The following CDH13 variants were observed in gnomAD, a reference collection of about 807,000 sequenced individuals.
The protein encoded by CDH13 is cadherin-13.
CDH13 carries 24 observed loss-of-function variants against 63.8 expected under a neutral mutation model. The observed-to-expected ratio is 0.38, with a 90% confidence interval of 0.27 to 0.53. The LOEUF is 0.53. Among genes scored for constraint, CDH13 ranks in the 20% least tolerant of loss-of-function variants. The pLI is 0.85. For synonymous variants in CDH13, 503 were observed against 355.3 expected (o/e 1.42, Z -4.67); for missense variants, 1,049 against 903.1 (o/e 1.16, Z -2.07).
chr16:82,702,676 T>C (rs978298435), intron 1 of CDH13, among the ~76,000 whole-genome samples: 3 of 152,218 alleles, frequency 2.0e-5, no homozygotes, highest in African/African-American at 7.2e-5. Flanking sequence ...ATTGTCCCCC[T>C]CAATTCTGAC....
chr16:83,280,584 A>G (rs1023856951), intron 5 of CDH13, among the ~76,000 whole-genome samples: 2 of 152,224 alleles, frequency 1.3e-5, no homozygotes, highest in Non-Finnish European at 2.9e-5. Context: ...ATGAACCAAG[A>G]ATGTTCTTAA....
intron 10 of CDH13, among the ~76,000 whole-genome samples, chr16:83,744,332 A>G (rs1912364396): frequency 6.6e-6 from 1 of 152,232 alleles, no homozygotes; most frequent in African/African-American, 2.4e-5. Flanking sequence ...GAGGAGACGT[A>G]TGAGTGGGGT....
intron 2 of CDH13, among the ~76,000 whole-genome samples, chr16:82,987,135 G>A (rs574568148): frequency 1.7e-4 from 26 of 152,242 alleles, no homozygotes; most frequent in African/African-American, 5.1e-4. Flanking sequence ...TCACCTTGCC[G>A]TTTTCCCAGA....
At chr16:82,898,389 C>G (rs2041340704) in intron 2 of CDH13, among the ~76,000 whole-genome samples, 1 of 152,270 alleles carries the variant, frequency 6.6e-6, no homozygotes, top group Admixed American at 6.5e-5. Flanking sequence ...GCCGGGCATG[C>G]TGGCATGTGC....
intron 2 of CDH13, among the ~76,000 whole-genome samples, chr16:82,941,054 C>G (rs567827123): frequency 1.1e-4 from 16 of 151,886 alleles, no homozygotes; most frequent in Non-Finnish European, 2.2e-4. Flanking sequence ...TTCTGGCAAA[C>G]GATAGGAAAA....
intron 6 of CDH13, among the ~76,000 whole-genome samples, chr16:83,471,745 C>T (rs1434304087): frequency 6.6e-6 from 1 of 152,280 alleles, no homozygotes; most frequent in East Asian, 1.9e-4. Context: ...ACCATATGCT[C>T]ACCCGAGCAG....
chr16:83,372,073 A>G (rs551233830), intron 6 of CDH13, among the ~76,000 whole-genome samples: 6 of 152,196 alleles, frequency 3.9e-5, no homozygotes, highest in Non-Finnish European at 8.8e-5. Context: ...ACCATCATCA[A>G]CAATAACAGC....
chr16:83,323,069 G>C (rs1205617181), intron 5 of CDH13, among the ~76,000 whole-genome samples: 4 of 151,962 alleles, frequency 2.6e-5, no homozygotes, highest in Non-Finnish European at 4.4e-5. Flanking sequence ...ATGAGCGAAT[G>C]GAGGTGGTGG....
chr16:82,991,595 A>G (rs1567724154), intron 2 of CDH13, among the ~76,000 whole-genome samples: 1 of 152,194 alleles, frequency 6.6e-6, no homozygotes, highest in African/African-American at 2.4e-5. Context: ...GACATAATAT[A>G]TAAAACTTAC....
At chr16:83,286,329 T>C (rs2089311398) in intron 5 of CDH13, among the ~76,000 whole-genome samples, 1 of 152,190 alleles carries the variant, frequency 6.6e-6, no homozygotes, top group African/African-American at 2.4e-5. Context: ...ATTTTTATGG[T>C]GAACCCAAAG....
intron 6 of CDH13, among the ~76,000 whole-genome samples, chr16:83,400,938 T>A (rs1247587270): frequency 6.6e-6 from 1 of 152,084 alleles, no homozygotes; most frequent in African/African-American, 2.4e-5. Context: ...GTGTGGTGGC[T>A]CACACCAGTA....
chr16:82,709,153 A>G (rs905033972), intron 1 of CDH13, among the ~76,000 whole-genome samples: 2 of 152,202 alleles, frequency 1.3e-5, no homozygotes, highest in African/African-American at 4.8e-5. Flanking sequence ...TTTTCCACGA[A>G]TGAAGATGAG....
chr16:82,650,041 G>A (rs914590821), intron 1 of CDH13, among the ~76,000 whole-genome samples: 15 of 152,182 alleles, frequency 9.9e-5, no homozygotes, highest in Non-Finnish European at 2.1e-4. Flanking sequence ...TATAGATTAA[G>A]AAACTGAGGC....
chr16:82,908,703 A>G (rs754400753), intron 2 of CDH13, among the ~76,000 whole-genome samples: 5 of 152,158 alleles, frequency 3.3e-5, no homozygotes, highest in Non-Finnish European at 7.4e-5. Context: ...ACCCCTCGGT[A>G]TCTGTGGGGG....
chr16:83,678,629 C>T (rs529253262), intron 10 of CDH13, among the ~76,000 whole-genome samples, 168 bp downstream of exon 10: 130 of 152,274 alleles, frequency 8.5e-4, no homozygotes, highest in Middle Eastern at 3.4e-3. Context: ...CTGACGGCTG[C>T]AGAGGGCCAG....
intron 3 of CDH13, among the ~76,000 whole-genome samples, chr16:83,125,131 A>G (rs144284772): frequency 1.3e-5 from 2 of 152,358 alleles, no homozygotes; most frequent in African/African-American, 4.8e-5. Flanking sequence ...TGAGTAAATC[A>G]AGACTGTCAT....
At chr16:82,854,581 A>G (rs964141923) in intron 1 of CDH13, among the ~76,000 whole-genome samples, 1 of 152,212 alleles carries the variant, frequency 6.6e-6, no homozygotes. Context: ...AAGAGCCACA[A>G]AATAATTCAC....
At chr16:82,745,501 G>A (rs1480826170) in intron 1 of CDH13, among the ~76,000 whole-genome samples, 3 of 152,128 alleles carry the variant, frequency 2.0e-5, no homozygotes, top group African/African-American at 7.2e-5. Context: ...CTACTCAGGA[G>A]GCTGAGGCAG....
chr16:83,484,804 G>T (rs1464507038), intron 6 of CDH13, among the ~76,000 whole-genome samples: 1 of 152,138 alleles, frequency 6.6e-6, no homozygotes, highest in Non-Finnish European at 1.5e-5. Context: ...TCACAAAAAT[G>T]GTATCACTAT....
Sources: gnomAD v4.1 joint callset for allele counts (sites outside exome capture counted in the v4.1 genomes callset) on GRCh38, gnomAD v4.1.1 for gene constraint, MANE v1.5 for transcripts, NCBI Gene and HGNC (gene_info 2026-07-23, HGNC 2026-07-21) for gene names.